CLEC16A: variants seen among roughly 807,000 people sequenced by gnomAD.
The protein encoded by CLEC16A is protein CLEC16A.
Under a neutral mutation model 109.5 loss-of-function variants are expected in CLEC16A, and 51 were observed. That is an observed-to-expected ratio of 0.47 (90% CI 0.37 to 0.59). The LOEUF (loss-of-function observed/expected upper bound fraction) is 0.59. Among genes scored for constraint, CLEC16A ranks in the 20% least tolerant of loss-of-function variants. CLEC16A has a pLI of 0.00. For missense variants in CLEC16A, 1,339 were observed against 1,394.0 expected (o/e 0.96, Z 0.63); for synonymous variants, 673 against 564.2 (o/e 1.19, Z -2.73).
chr16:11,063,702 G>A (rs537970315), intron 19 of CLEC16A, among the ~76,000 whole-genome samples: 39 of 152,248 alleles, frequency 2.6e-4, no homozygotes, highest in African/African-American at 8.7e-4. Context: ...CTCTCGGCTG[G>A]GTGTGACAGC....
intron 10 of CLEC16A, among the ~76,000 whole-genome samples, chr16:10,993,432 C>T (rs1053979478): frequency 2.6e-5 from 4 of 152,176 alleles, no homozygotes; most frequent in Admixed American, 6.5e-5. Context: ...CATCTCATTT[C>T]ACGCTCATAA....
At position 11,179,218 on chromosome 16, in the gene CLEC16A, T is replaced by C. The variant is rs1461731577; in HGVS notation, c.*528T>C. On this transcript the variant is annotated 3_prime_UTR_variant, in exon 24 of 24. Transcript: ENST00000409790. ...CAAAAACATCAACACTAAGGTTTGA[T>C]GTCATGTGAAAAGTGTAATAATAAC... 1 of 152,796 alleles carries C rather than the reference T, an allele frequency of 6.5e-6. No homozygotes were observed. Among genetic ancestry groups the C allele is most frequent in the East Asian group, 1.9e-4 (1 of 5,208 alleles). 9.5% of individuals were successfully genotyped at this position (152,796 alleles called of 1,614,324 possible).
chr16:11,027,008 C>G (rs1222204039), intron 13 of CLEC16A: 6 of 1,565,102 alleles, frequency 3.8e-6, no homozygotes, highest in Non-Finnish European at 5.3e-6. Flanking sequence ...TGATCAGTAG[C>G]TGCACCACTA....
At chr16:11,049,376 C>T (rs1399216452) in intron 17 of CLEC16A, among the ~76,000 whole-genome samples, 1 of 152,070 alleles carries the variant, frequency 6.6e-6, no homozygotes, top group Non-Finnish European at 1.5e-5. Flanking sequence ...ATGAAATAGC[C>T]AACAAGAGGC....
intron 19 of CLEC16A, among the ~76,000 whole-genome samples, chr16:11,061,784 T>A (rs144779522): frequency 1.3e-5 from 2 of 152,316 alleles, no homozygotes; most frequent in Admixed American, 6.5e-5. Context: ...TTGGCTGATG[T>A]CACTGGGAAG....
chr16:11,073,750 C>T (rs1258710169), intron 19 of CLEC16A, among the ~76,000 whole-genome samples: 2 of 152,190 alleles, frequency 1.3e-5, no homozygotes, highest in African/African-American at 2.4e-5. Context: ...TTCAGATGTG[C>T]GCTTACCGCT....
chr16:11,172,712 A>AC (rs1242223920), intron 23 of CLEC16A, among the ~76,000 whole-genome samples: 4 of 151,918 alleles, frequency 2.6e-5, no homozygotes, highest in Non-Finnish European at 5.9e-5. Flanking sequence ...AACATGGTGA[A>AC]CCCCCATCTC....
At position 10,955,510 on chromosome 16, in the gene CLEC16A, C is replaced by G. The variant is rs2041944488; in HGVS notation, c.81-2272C>G. Among the ~76,000 whole-genome samples the G allele has an allele frequency of 3.3e-5, 5 of 152,104 alleles. No homozygotes were observed. The South Asian group carries it at 8.3e-4, about 25-fold the overall frequency. On this transcript the variant is annotated intron_variant, in intron 1 of 23. Transcript: ENST00000409790. ...ACCTGGGAGGGGGGCATGGGGAACGCTTTACCAAGAGATGCCCGAGCTGGG... is the reference window on the plus strand; with the variant it reads ...ACCTGGGAGGGGGGCATGGGGAACGGTTTACCAAGAGATGCCCGAGCTGGG...
chr16:11,155,619 C>T (rs76376565), intron 22 of CLEC16A, among the ~76,000 whole-genome samples: 307 of 152,364 alleles, frequency 2.0e-3, no homozygotes, highest in Non-Finnish European at 3.3e-3. Flanking sequence ...TCCGCACATA[C>T]TCCCTGATTC....
intron 19 of CLEC16A, among the ~76,000 whole-genome samples, chr16:11,072,952 A>G (rs2049151796): frequency 6.6e-6 from 1 of 152,316 alleles, no homozygotes; most frequent in East Asian, 1.9e-4. Context: ...GACTTTCAGG[A>G]AAGTGGGTGC....
At chr16:11,124,413 C>G (rs973141486) in intron 21 of CLEC16A, among the ~76,000 whole-genome samples, 2 of 152,168 alleles carry the variant, frequency 1.3e-5, no homozygotes, top group Non-Finnish European at 2.9e-5. Flanking sequence ...GTAAACTTAC[C>G]CCTTCCTCCT....
chr16:11,018,748 C>CAAAAAAAAAAAAAAAAAAA (rs56911220), intron 11 of CLEC16A, among the ~76,000 whole-genome samples: 1 of 96,250 alleles, frequency 1.0e-5, no homozygotes, highest in African/African-American at 4.4e-5. Flanking sequence ...GACTCCATCT[C>CAAAAAAAAAAAAAAAAAAA]AAAAAAAAAA....
chr16:11,159,849 T>C (rs571154040), intron 22 of CLEC16A, among the ~76,000 whole-genome samples: 81 of 152,366 alleles, frequency 5.3e-4, no homozygotes, highest in Non-Finnish European at 9.6e-4. Flanking sequence ...CTTTTTGTTT[T>C]AGTAGCTTTC....
intron 17 of CLEC16A, among the ~76,000 whole-genome samples, chr16:11,050,733 G>A (rs1244046072): frequency 6.6e-6 from 1 of 152,222 alleles, no homozygotes; most frequent in Non-Finnish European, 1.5e-5. Context: ...CCTCCTCTGA[G>A]CTCAGTGTCC....
rs193012312 is a variant in CLEC16A at position 10,951,728 on chromosome 16, G to A, written c.81-6054G>A. 3.9e-5 allele frequency among the ~76,000 whole-genome samples: 6 copies of A among 152,340 alleles called. No homozygotes were observed. In the East Asian group the frequency reaches 1.2e-3, roughly 29 times the overall value. On this transcript the variant is annotated intron_variant, in intron 1 of 23. Transcript: ENST00000409790. ...AAAACACGTTGTCATTCTAACAGTG[G>A]TTATCATTGTAAGAGAAACATTTTA...
At chr16:11,115,273 G>T (rs78536852) in intron 19 of CLEC16A, among the ~76,000 whole-genome samples, 10,662 of 152,192 alleles carry the variant, frequency 0.07, 385 homozygotes, top group East Asian at 0.12. Context: ...GGGGGAAGGA[G>T]GATAGAAAGA....
chr16:11,155,182 C>T (rs980011526), intron 22 of CLEC16A, among the ~76,000 whole-genome samples: 5 of 152,060 alleles, frequency 3.3e-5, no homozygotes, highest in East Asian at 1.9e-4. Flanking sequence ...TTCCAGGCAC[C>T]GTAAATTCCA....
At chr16:11,175,551 T>G (rs948435078) in intron 23 of CLEC16A, among the ~76,000 whole-genome samples, 2 of 152,228 alleles carry the variant, frequency 1.3e-5, no homozygotes, top group Non-Finnish European at 2.9e-5. Context: ...TTCTCCTTTT[T>G]CACCTGCCTT....
intron 22 of CLEC16A, among the ~76,000 whole-genome samples, chr16:11,145,735 C>T (rs942507389): frequency 2.6e-5 from 4 of 152,386 alleles, no homozygotes; most frequent in Middle Eastern, 3.4e-3. Context: ...TTGGCCAAGC[C>T]TGGGCCGGTG....
Sources: allele counts gnomAD v4.1 joint callset (sites outside exome capture counted in the v4.1 genomes callset), GRCh38; gene constraint gnomAD v4.1.1; transcripts MANE v1.5; gene names NCBI Gene and HGNC (gene_info 2026-07-23, HGNC 2026-07-21).